CTNNA3: variants seen among roughly 807,000 people sequenced by gnomAD.
CTNNA3 encodes the protein catenin alpha-3.
A neutral mutation model predicts 95.7 loss-of-function variants in CTNNA3; 76 were observed. The observed-to-expected ratio is 0.79, with a 90% CI of 0.66 to 0.96. The LOEUF is 0.96. CTNNA3 is among the 40% of genes least tolerant of loss of function. CTNNA3 has a pLI of 0.00. For missense variants in CTNNA3, 1,191 were observed against 1,089.8 expected, an observed-to-expected ratio of 1.09 and a Z score of -1.31; for synonymous variants, 431 against 374.4, an observed-to-expected ratio of 1.15 and a Z score of -1.74.
chr10:67,428,054 G>A lies in CTNNA3; in HGVS notation c.579+93788C>T, dbSNP rs116652746. ...TTCAGTCCACTCTTTTGAGAACAAGGGTTAAGAGGAAAATAGGACCCAATT... is the reference window on the plus strand; with the variant it reads ...TTCAGTCCACTCTTTTGAGAACAAGAGTTAAGAGGAAAATAGGACCCAATT... On this transcript the variant is annotated intron_variant, in intron 5 of 17. Coordinates refer to ENST00000433211, the MANE Select transcript of CTNNA3 (RefSeq NM_013266.4). Among the ~76,000 whole-genome samples the A allele has an allele frequency of 5.1e-3, 768 of 152,034 alleles. 10 individuals carry two copies. The highest frequency in any genetic ancestry group is 0.017 in the African/African-American group (724 of 41,462).
chr10:67,049,731 C>G (rs1207817928), intron 7 of CTNNA3, among the ~76,000 whole-genome samples: 21 of 152,128 alleles, frequency 1.4e-4, no homozygotes, highest in Admixed American at 1.4e-3. Flanking sequence ...CCTATTCGGC[C>G]TCAGTCTATA....
chr10:65,976,038 T>C (rs955640805), intron 16 of CTNNA3, among the ~76,000 whole-genome samples: 1 of 152,174 alleles, frequency 6.6e-6, no homozygotes, highest in Non-Finnish European at 1.5e-5. Flanking sequence ...ATCATTATCC[T>C]CATTTAGTGA....
intron 3 of CTNNA3, among the ~76,000 whole-genome samples, chr10:67,572,775 C>T (rs776558432): frequency 2.0e-5 from 3 of 152,084 alleles, no homozygotes; most frequent in Non-Finnish European, 4.4e-5. Context: ...AGATTAGGTG[C>T]CCCAAGGAGA....
chr10:67,708,535 G>A (rs1358519383), intron 1 of CTNNA3, among the ~76,000 whole-genome samples: 2 of 151,902 alleles, frequency 1.3e-5, no homozygotes, highest in African/African-American at 4.8e-5. Context: ...ATTTGAACAG[G>A]GCTTTATTAT....
intron 13 of CTNNA3, among the ~76,000 whole-genome samples, chr10:66,214,557 G>A (rs1182581892): frequency 1.3e-5 from 2 of 151,974 alleles, no homozygotes; most frequent in African/African-American, 4.8e-5. Flanking sequence ...TGTCTTATAA[G>A]ACAGCTATTT....
chr10:66,913,107 C>G (rs1256933512), intron 7 of CTNNA3, among the ~76,000 whole-genome samples: 5 of 151,752 alleles, frequency 3.3e-5, no homozygotes, highest in Non-Finnish European at 7.4e-5. Context: ...GGCGCTGTGG[C>G]AGGCGCCTGT....
intron 17 of CTNNA3, among the ~76,000 whole-genome samples, chr10:65,953,847 T>C (rs2077672648): frequency 6.6e-6 from 1 of 152,148 alleles, no homozygotes; most frequent in Admixed American, 6.6e-5. Context: ...AATAAACATA[T>C]GTGTGCATGT....
rs2079164492 is a variant in CTNNA3 at position 66,019,769 on chromosome 10, C to CCAAAGCAGGG, written c.2160-30973_2160-30972insCCCTGCTTTG. Reference sequence around the variant, plus strand: ...AATTGCTTAGTGTAGTTTGATGTTCCTGCAGCTTCAAAGTCTATAAAATGA... The same window carrying CCAAAGCAGGG: ...AATTGCTTAGTGTAGTTTGATGTTCCCAAAGCAGGGTGCAGCTTCAAAGTCTATAAAATGA... On this transcript the variant is annotated intron_variant, in intron 15 of 17. Transcript: ENST00000433211. Among the ~76,000 whole-genome samples the CCAAAGCAGGG allele has an allele frequency of 2.0e-5, 3 of 152,064 alleles. No homozygotes were observed. In the South Asian group the frequency reaches 6.3e-4, roughly 32 times the overall value.
chr10:66,689,172 G>A (rs1007832981), intron 9 of CTNNA3, among the ~76,000 whole-genome samples: 8 of 152,100 alleles, frequency 5.3e-5, no homozygotes, highest in African/African-American at 1.7e-4. Flanking sequence ...GGGCAAGCCT[G>A]AGACACTTAG....
At chr10:66,702,502 C>T (rs1007062880) in intron 9 of CTNNA3, among the ~76,000 whole-genome samples, 2 of 151,678 alleles carry the variant, frequency 1.3e-5, no homozygotes, top group African/African-American at 4.8e-5. Context: ...GTCAGGAGTT[C>T]GAGACTAGCC....
intron 1 of CTNNA3, among the ~76,000 whole-genome samples, chr10:67,649,399 C>T (rs563209605): frequency 3.9e-4 from 60 of 152,226 alleles, no homozygotes; most frequent in African/African-American, 1.3e-3. Context: ...AATTTTTCAA[C>T]CTAGAAGGAG....
intron 5 of CTNNA3, among the ~76,000 whole-genome samples, chr10:67,441,665 A>AAGTGC (rs1264984257): frequency 6.6e-6 from 1 of 152,156 alleles, no homozygotes; most frequent in African/African-American, 2.4e-5. Flanking sequence ...TACATATCTA[A>AAGTGC]AGTGCTGAAG....
At chr10:67,722,824 C>G (rs1360984168) in intron 1 of CTNNA3, among the ~76,000 whole-genome samples, 1 of 152,008 alleles carries the variant, frequency 6.6e-6, no homozygotes, top group African/African-American at 2.4e-5. Context: ...ATTAAATATT[C>G]ATTAAATAAG....
At chr10:66,829,120 A>C (rs1345615550) in intron 7 of CTNNA3, among the ~76,000 whole-genome samples, 3 of 152,226 alleles carry the variant, frequency 2.0e-5, no homozygotes, top group African/African-American at 7.2e-5. Context: ...CTCCATGTCA[A>C]TAGCTAGAAA....
chr10:66,971,255 G>A (rs1368697700), intron 7 of CTNNA3, among the ~76,000 whole-genome samples: 7 of 151,836 alleles, frequency 4.6e-5, no homozygotes, highest in Non-Finnish European at 7.4e-5. Context: ...GTGAAACCCC[G>A]TCTCTACTAA....
intron 5 of CTNNA3, among the ~76,000 whole-genome samples, chr10:67,295,080 G>T (rs901348778): frequency 6.6e-6 from 1 of 152,054 alleles, no homozygotes; most frequent in African/African-American, 2.4e-5. Flanking sequence ...CCCATGAAGT[G>T]GACTTCAGTA....
intron 5 of CTNNA3, among the ~76,000 whole-genome samples, chr10:67,495,362 T>G (rs1280678054): frequency 6.6e-6 from 1 of 152,126 alleles, no homozygotes; most frequent in Non-Finnish European, 1.5e-5. Context: ...GACTCCAAGG[T>G]TACAACATGG....
chr10:66,079,148 A>C (rs2080646844), intron 14 of CTNNA3: 1 of 151,998 alleles, frequency 6.6e-6, no homozygotes, highest in Non-Finnish European at 1.5e-5. Context: ...AGCATAGTAC[A>C]ATTATATTTG....
chr10:67,492,664 T>C (rs914161727), intron 5 of CTNNA3, among the ~76,000 whole-genome samples: 3 of 152,316 alleles, frequency 2.0e-5, no homozygotes, highest in South Asian at 2.1e-4. Context: ...TGTAAGGAAG[T>C]GATACTTAAG....
Sources: allele counts gnomAD v4.1 joint callset (sites outside exome capture counted in the v4.1 genomes callset), GRCh38; gene constraint gnomAD v4.1.1; transcripts MANE v1.5; gene names NCBI Gene and HGNC (gene_info 2026-07-23, HGNC 2026-07-21).